The following KIAA0319 variants were observed in gnomAD, a reference collection of about 807,000 sequenced individuals.
KIAA0319 encodes dyslexia-associated protein KIAA0319.
A neutral mutation model predicts 108.4 loss-of-function variants in KIAA0319; 83 were observed. The ratio of observed to expected loss-of-function variants is 0.77; its 90% CI spans 0.64 to 0.92. The LOEUF (loss-of-function observed/expected upper bound fraction) is 0.92, where lower values mean the gene tolerates loss of function less well. Among genes scored for constraint, KIAA0319 ranks in the 40% least tolerant of loss-of-function variants. KIAA0319 has a pLI of 0.00. For synonymous variants in KIAA0319, 484 were observed against 510.4 expected (o/e 0.95, Z 0.70); for missense variants, 1,195 against 1,322.4 (o/e 0.90, Z 1.49).
Position 24,579,853 on chromosome 6 carries a change from C to T in KIAA0319, c.1372+5G>A, listed in dbSNP as rs1421882685. ...GAAATCCCTAAACTATCTCAGGATA[C>T]ACACGGCTGCCATCAATGAGGGCTG... On this transcript the variant is annotated splice_donor_5th_base_variant and intron_variant, in intron 8 of 20. Transcript: ENST00000378214. 1.3e-6 allele frequency: 2 copies of T among 1,594,946 alleles called. No individual in the cohort carries two copies. Among genetic ancestry groups the T allele is most frequent in the Admixed American group, 1.7e-5 (1 of 58,196 alleles).
intron 1 of KIAA0319, among the ~76,000 whole-genome samples, chr6:24,630,528 AAAAG>A (rs1190677748): frequency 1.2e-4 from 16 of 137,236 alleles, no homozygotes; most frequent in Non-Finnish European, 2.0e-4. Flanking sequence ...AAAAAAAAAA[AAAAG>A]AAAGAACGAA....
chr6:24,565,526 G>A (rs148403069), intron 14 of KIAA0319, among the ~76,000 whole-genome samples: 1,960 of 152,006 alleles, frequency 0.013, 40 homozygotes, highest in African/African-American at 0.042. Context: ...AGGCCGAAGC[G>A]GGTGGATCAC....
At chr6:24,555,941 T>A (rs1162357419) in intron 18 of KIAA0319, among the ~76,000 whole-genome samples, 10 of 152,178 alleles carry the variant, frequency 6.6e-5, no homozygotes. Flanking sequence ...CCAGCAATAG[T>A]GAGCCAATTC....
intron 13 of KIAA0319, 83 bp downstream of exon 13, chr6:24,568,698 T>A (rs1391116890): frequency 1.4e-6 from 2 of 1,384,082 alleles, no homozygotes; most frequent in Admixed American, 4.0e-5. Flanking sequence ...CACCAACATC[T>A]CTGAATAGTC....
chr6:24,602,218 T>C (rs1046055927), intron 1 of KIAA0319, among the ~76,000 whole-genome samples: 3 of 152,208 alleles, frequency 2.0e-5, no homozygotes, highest in East Asian at 3.9e-4. Context: ...GGTTTTGCCA[T>C]GTTGGCCAGG....
intron 1 of KIAA0319, among the ~76,000 whole-genome samples, chr6:24,638,964 G>A (rs1302749553): frequency 6.6e-6 from 1 of 152,038 alleles, no homozygotes; most frequent in Non-Finnish European, 1.5e-5. Context: ...AATAAATGAG[G>A]TGATGGATAG....
chr6:24,594,602 G>C (rs1769142809), intron 3 of KIAA0319, among the ~76,000 whole-genome samples: 1 of 149,918 alleles, frequency 6.7e-6, no homozygotes, highest in Admixed American at 6.7e-5. Flanking sequence ...ACTCCAGCCT[G>C]GGCGACAGAG....
At chr6:24,570,460 C>T (rs1347176120) in intron 11 of KIAA0319, among the ~76,000 whole-genome samples, 3 of 151,836 alleles carry the variant, frequency 2.0e-5, no homozygotes, top group African/African-American at 4.8e-5. Flanking sequence ...TGGTGGCAGG[C>T]GCCTGTAGTC....
At chr6:24,607,016 T>TAAAC (rs1771512460) in intron 1 of KIAA0319, among the ~76,000 whole-genome samples, 3 of 152,162 alleles carry the variant, frequency 2.0e-5, no homozygotes, top group African/African-American at 7.2e-5. Flanking sequence ...GAGGAAAAAA[T>TAAAC]AAACTTTTCT....
downstream of KIAA0319, among the ~76,000 whole-genome samples, chr6:24,541,998 A>T (rs368634146): frequency 1.6e-4 from 24 of 152,216 alleles, no homozygotes; most frequent in African/African-American, 5.1e-4. Context: ...AAAGTAGCTG[A>T]GTGTGGTAAC....
At chr6:24,593,678 G>A (rs1161547801) in intron 3 of KIAA0319, among the ~76,000 whole-genome samples, 2 of 151,548 alleles carry the variant, frequency 1.3e-5, no homozygotes, top group Non-Finnish European at 2.9e-5. Flanking sequence ...TGGGATTACA[G>A]GCATGAGACA....
chr6:24,568,339 A>AGGCAG (rs1764186690), intron 13 of KIAA0319, among the ~76,000 whole-genome samples: 1 of 152,268 alleles, frequency 6.6e-6, no homozygotes, highest in Non-Finnish European at 1.5e-5. Flanking sequence ...AAAGACACTC[A>AGGCAG]GGCAGTTCAC....
At position 24,595,774 on chromosome 6, in the gene KIAA0319, T is replaced by C. The variant is rs1769440199; in HGVS notation, c.801+99A>G. The stretch of plus-strand genomic sequence containing the variant: ...CTTAGGCGGAACCTCCTTAAGCTCA[T>C]ACAGCCTGAATGAGTGCCCGGCTCC... On this transcript the variant is annotated intron_variant, in intron 3 of 20. Transcript: ENST00000378214. 6.6e-6 allele frequency: 9 copies of C among 1,361,166 alleles called. No homozygotes were observed. In the Admixed American group the frequency reaches 1.6e-4, roughly 24 times the overall value. 84.3% of individuals were successfully genotyped at this position (1,361,166 alleles called of 1,614,324 possible). A position where few individuals can be genotyped will look rare whatever the true frequency, so the allele number is the denominator to read the frequency against.
chr6:24,597,041 C>T (rs1769756946), intron 2 of KIAA0319, among the ~76,000 whole-genome samples: 1 of 151,960 alleles, frequency 6.6e-6, no homozygotes, highest in African/African-American at 2.4e-5. Flanking sequence ...CACTCCATCC[C>T]TCCACCCATC....
intron 5 of KIAA0319, 121 bp from the exon 6 acceptor site, chr6:24,582,467 C>A: frequency 2.4e-6 from 1 of 420,738 alleles, no homozygotes; most frequent in Non-Finnish European, 4.3e-6. Context: ...ATACTCAACT[C>A]AGCTTTCTTT....
chr6:24,598,216 G>A lies in KIAA0319; in HGVS notation c.56-1598C>T, dbSNP rs561801752. On this transcript the variant is annotated intron_variant, in intron 2 of 20. Coordinates refer to ENST00000378214, the MANE Select transcript of KIAA0319 (RefSeq NM_014809.4). The stretch of plus-strand genomic sequence containing the variant: ...CTATGGCGGGACCAGTGGTATGGAG[G>A]GCATCACAGCCATCACAGTCAACTA... 16 of 522,382 alleles carry A rather than the reference G, an allele frequency of 3.1e-5. No individual in the cohort carries two copies. In the East Asian group the frequency reaches 4.1e-4, roughly 13 times the overall value. The allele number at this position is 522,382 out of a possible 1,614,324, so 32.4% of individuals were successfully genotyped here. A position where few individuals can be genotyped will look rare whatever the true frequency, so the allele number is the denominator to read the frequency against.
intron 1 of KIAA0319, among the ~76,000 whole-genome samples, chr6:24,634,025 T>G (rs1378348212): frequency 6.6e-6 from 1 of 152,226 alleles, no homozygotes; most frequent in Non-Finnish European, 1.5e-5. Context: ...CAAAATTATT[T>G]TGGATCAATT....
At position 24,578,161 on chromosome 6, in the gene KIAA0319, T is replaced by G; in HGVS notation, c.1454A>C (p.Asp485Ala). 6.2e-7 allele frequency: 1 copy of G among 1,612,534 alleles called. No homozygotes were observed. The highest frequency in any genetic ancestry group is 8.5e-7 in the Non-Finnish European group (1 of 1,179,210). ...GPFIEEKTSV[D>A]SPVLRLSNLD... ...GTTAGACAAGCGTAAGACGGGAGAG[T>G]CAACTGAAGTCTTCTCTTCTATGAA... The change falls in exon 9 of 21, where the codon GAC becomes GCC. Residue 485 changes from aspartate (D) to alanine (A), a missense_variant. Physicochemically the swap from Asp to Ala is moderately radical, Grantham distance 126 (BLOSUM62 -2). Transcript: ENST00000378214.
At chr6:24,548,001 C>G (rs557151056) in intron 20 of KIAA0319, among the ~76,000 whole-genome samples, 8 of 152,166 alleles carry the variant, frequency 5.3e-5, no homozygotes, top group Non-Finnish European at 7.4e-5. Flanking sequence ...TTGCTATGCT[C>G]TAGCCCAGGT....
Sources: allele counts gnomAD v4.1 joint callset (sites outside exome capture counted in the v4.1 genomes callset), GRCh38; gene constraint gnomAD v4.1.1; transcripts MANE v1.5; gene names NCBI Gene and HGNC (gene_info 2026-07-23, HGNC 2026-07-21).